The following UHMK1 variants were observed in gnomAD, a reference collection of about 807,000 sequenced individuals.
UHMK1 encodes the protein serine/threonine-protein kinase Kist.
Under a neutral mutation model 44.0 loss-of-function variants are expected in UHMK1, and 18 were observed. The observed-to-expected ratio is 0.41, with a 90% CI of 0.28 to 0.61. UHMK1 has a LOEUF of 0.61. Among genes scored for constraint, UHMK1 ranks in the 20% least tolerant of loss-of-function variants. The probability of loss-of-function intolerance (pLI) is 0.31; values close to 1 mark genes in which losing one functional copy is unlikely to be tolerated. For missense variants in UHMK1, 463 were observed against 522.5 expected (o/e 0.89, Z 1.11); for synonymous variants, 231 against 198.5 (o/e 1.16, Z -1.38).
intron 6 of UHMK1, 29 bp downstream of exon 6, chr1:162,512,852 G>C: frequency 1.3e-6 from 2 of 1,585,692 alleles, no homozygotes; most frequent in East Asian, 4.5e-5. Flanking sequence ...ATATTTTAAT[G>C]TGTCTTTCTT....
chr1:162,501,672 G>T (rs1437720159), intron 3 of UHMK1, among the ~76,000 whole-genome samples: 1 of 152,134 alleles, frequency 6.6e-6, no homozygotes, highest in African/African-American at 2.4e-5. Context: ...TTTTCCTGAA[G>T]AAACAAAAGT....
chr1:162,516,833 C>A (rs1651852414), intron 6 of UHMK1, among the ~76,000 whole-genome samples: 1 of 152,142 alleles, frequency 6.6e-6, no homozygotes, highest in Admixed American at 6.5e-5. Context: ...AACACATTGA[C>A]AGTGATGAAA....
chr1:162,507,932 A>G (rs973774615), intron 4 of UHMK1, among the ~76,000 whole-genome samples: 1 of 151,924 alleles, frequency 6.6e-6, no homozygotes, highest in Non-Finnish European at 1.5e-5. Flanking sequence ...ACTCTTTAAG[A>G]CATTATTTGT....
At chr1:162,521,685 G>A (rs1652064544) in intron 7 of UHMK1, among the ~76,000 whole-genome samples, 1 of 152,218 alleles carries the variant, frequency 6.6e-6, no homozygotes, top group African/African-American at 2.4e-5. Context: ...CTGGAGTACA[G>A]TGGCGCAATC....
At chr1:162,518,907 T>C (rs1255383105) in intron 7 of UHMK1, among the ~76,000 whole-genome samples, 1 of 151,388 alleles carries the variant, frequency 6.6e-6, no homozygotes, top group African/African-American at 2.4e-5. Flanking sequence ...GAGAATCGCT[T>C]GAACCTGGGA....
chr1:162,503,907 CTT>C, intron 4 of UHMK1, 59 bp downstream of exon 4: 1 of 1,280,574 alleles, frequency 7.8e-7, no homozygotes, highest in Non-Finnish European at 1.1e-6. Context: ...AATGGTACGT[CTT>C]TTTTTTCTCT....
intron 1 of UHMK1, 35 bp downstream of exon 1, chr1:162,498,303 G>A (rs201564368): frequency 1.9e-6 from 3 of 1,551,324 alleles, no homozygotes; most frequent in South Asian, 2.5e-5. Flanking sequence ...TTCTTGCCCA[G>A]GTCACAGTCC....
chr1:162,512,353 G>A (rs552164001), intron 4 of UHMK1, 147 bp from the exon 5 acceptor site: 8 of 639,564 alleles, frequency 1.3e-5, no homozygotes, highest in Non-Finnish European at 1.9e-5. Flanking sequence ...CTAATAAATA[G>A]CATTTGTATT....
intron 6 of UHMK1, among the ~76,000 whole-genome samples, chr1:162,517,283 G>A (rs561054372): frequency 4.6e-5 from 7 of 152,144 alleles, no homozygotes; most frequent in Admixed American, 3.3e-4. Flanking sequence ...TGGGAACAGA[G>A]CAAGACTCCA....
chr1:162,499,546 A>G (rs1651192993), intron 1 of UHMK1, among the ~76,000 whole-genome samples: 1 of 152,162 alleles, frequency 6.6e-6, no homozygotes, highest in African/African-American at 2.4e-5. Context: ...AGAGTTACTT[A>G]ATATTTGGGT....
Position 162,524,122 on chromosome 1 carries a change from A to T in UHMK1, c.*1572A>T, listed in dbSNP as rs889717879. The T allele has an allele frequency of 2.6e-5, 4 of 152,026 alleles. No homozygotes were observed. The highest frequency in any genetic ancestry group is 9.7e-5 in the African/African-American group (4 of 41,410). 9.4% of individuals were successfully genotyped at this position (152,026 alleles called of 1,614,324 possible). On this transcript the variant is annotated 3_prime_UTR_variant, in exon 8 of 8. Transcript: ENST00000489294. Reference sequence around the variant, plus strand: ...TTTATTTATTTTTTCCTAAGGAAAAAGTCTTCTATCTTTCCCTGCTGGAAG... The same window carrying T: ...TTTATTTATTTTTTCCTAAGGAAAATGTCTTCTATCTTTCCCTGCTGGAAG...
At chr1:162,513,369 T>C (rs1651734961) in intron 6 of UHMK1, among the ~76,000 whole-genome samples, 1 of 152,240 alleles carries the variant, frequency 6.6e-6, no homozygotes, top group South Asian at 2.1e-4. Context: ...TTCCCTATGC[T>C]TGCATTTCTC....
chr1:162,505,425 T>C (rs1296501742), intron 4 of UHMK1, among the ~76,000 whole-genome samples: 13 of 147,674 alleles, frequency 8.8e-5, no homozygotes. Context: ...AAAAAATATA[T>C]AGTTATAAAT....
chr1:162,526,864 A>G lies in UHMK1; in HGVS notation c.*4314A>G, dbSNP rs774747807. On this transcript the variant is annotated 3_prime_UTR_variant, in exon 8 of 8. Coordinates refer to ENST00000489294, the MANE Select transcript of UHMK1 (RefSeq NM_175866.5). ...TCAGGTTCCTTCATCAAATTTTACT[A>G]CTGTAGCTCTGTGATATAATTTCAT... 1.3e-5 allele frequency: 2 copies of G among 152,096 alleles called. No individual in the cohort carries two copies. The highest frequency in any genetic ancestry group is 2.9e-5 in the Non-Finnish European group (2 of 67,966). 9.4% of individuals were successfully genotyped at this position (152,096 alleles called of 1,614,324 possible). A position where few individuals can be genotyped will look rare whatever the true frequency, so the allele number is the denominator to read the frequency against.
intron 7 of UHMK1, among the ~76,000 whole-genome samples, chr1:162,521,678 G>T (rs1489975767): frequency 5.9e-5 from 9 of 152,322 alleles, no homozygotes; most frequent in African/African-American, 2.2e-4. Context: ...GCCCGGGCTG[G>T]AGTACAGTGG....
At chr1:162,497,709 CG>C, upstream of UHMK1, 1 of 1,008,860 alleles carries the variant, frequency 9.9e-7, no homozygotes, top group Non-Finnish European at 1.3e-6. Flanking sequence ...TTCTTATTCT[CG>C]GTTCTTTTTT....
upstream of UHMK1, chr1:162,497,384 G>A (rs1388809954): frequency 1.5e-6 from 1 of 662,166 alleles, no homozygotes; most frequent in Non-Finnish European, 2.7e-6. Context: ...CCATTCCGAT[G>A]GTTGGCGACA....
chr1:162,520,439 T>G (rs1652015370), intron 7 of UHMK1, among the ~76,000 whole-genome samples: 1 of 152,158 alleles, frequency 6.6e-6, no homozygotes, highest in African/African-American at 2.4e-5. Context: ...GTAAAAGTGG[T>G]CAAATCAGAT....
chr1:162,518,978 G>C (rs1166159892), intron 7 of UHMK1, among the ~76,000 whole-genome samples: 3 of 141,284 alleles, frequency 2.1e-5, no homozygotes, highest in Non-Finnish European at 4.6e-5. Context: ...AACAGTGTGA[G>C]ACTCCATCTC....
Sources: gnomAD v4.1 joint callset for allele counts (sites outside exome capture counted in the v4.1 genomes callset) on GRCh38, gnomAD v4.1.1 for gene constraint, MANE v1.5 for transcripts, NCBI Gene and HGNC (gene_info 2026-07-23, HGNC 2026-07-21) for gene names.